Variants in PAGE2B observed in about 807,000 individuals in gnomAD.
PAGE2B encodes putative G antigen family E member 3.
Under a neutral mutation model 7.6 loss-of-function variants are expected in PAGE2B, and 5 were observed. That is an observed-to-expected ratio of 0.66 (90% confidence interval 0.34 to 1.38). The LOEUF is 1.38. Ranked by LOEUF, PAGE2B falls within the 40% of genes most tolerant of loss-of-function variation. The probability of loss-of-function intolerance (pLI) is 0.04; values close to 1 mark genes in which losing one functional copy is unlikely to be tolerated. For missense variants in PAGE2B, 70 were observed against 78.4 expected (o/e 0.89, Z 0.41); for synonymous variants, 29 against 26.7 (o/e 1.09, Z -0.27).
chrX:55,056,776 A>G, the PAGE2B span, among the ~76,000 whole-genome samples: 19 of 111,274 alleles, frequency 1.7e-4, no homozygotes, highest in Non-Finnish European at 3.2e-4. Flanking sequence ...TCTTCCTTGT[A>G]GTAGTGAATT....
At chrX:55,058,518 G>T in the PAGE2B span, among the ~76,000 whole-genome samples, 1 of 111,591 alleles carries the variant, frequency 9.0e-6, no homozygotes, top group Non-Finnish European at 1.9e-5. Flanking sequence ...ATTGTATGAG[G>T]CTAATTCCTT....
chrX:55,037,191 A>C, the PAGE2B span, among the ~76,000 whole-genome samples: 1 of 111,827 alleles, frequency 8.9e-6, no homozygotes. Flanking sequence ...CAATGAACTC[A>C]AACAAATTGA....
chrX:55,041,938 C>A, the PAGE2B span, among the ~76,000 whole-genome samples: 1 of 111,846 alleles, frequency 8.9e-6, no homozygotes, highest in Non-Finnish European at 1.9e-5. Flanking sequence ...GATAGATCCA[C>A]AGCCAACATT....
At chrX:55,041,299 T>G in the PAGE2B span, among the ~76,000 whole-genome samples, 1 of 109,698 alleles carries the variant, frequency 9.1e-6, no homozygotes, top group Admixed American at 9.7e-5. Flanking sequence ...GCCAGGATGG[T>G]CTCGATCTCC....
the PAGE2B span, among the ~76,000 whole-genome samples, chrX:55,062,644 T>C: frequency 8.9e-6 from 1 of 111,923 alleles, no homozygotes; most frequent in African/African-American, 3.2e-5. Context: ...TTGCCTGTGC[T>C]TGTGGGATAT....
At chrX:55,054,236 C>A in the PAGE2B span, among the ~76,000 whole-genome samples, 8,639 of 110,775 alleles carry the variant, frequency 0.078, 793 homozygotes, top group African/African-American at 0.26. Context: ...ACAAGACAAA[C>A]CAACAACAAC....
At chrX:55,075,972 A>C in intron 1 of PAGE2B, 62 bp from the exon 2 acceptor site, 234 of 886,505 alleles carry the variant, frequency 2.6e-4, no homozygotes, top group Non-Finnish European at 2.9e-4. Flanking sequence ...TTGCCATGGA[A>C]TGTTCATATA....
the PAGE2B span, among the ~76,000 whole-genome samples, chrX:55,067,052 C>G: frequency 2.8e-5 from 3 of 109,011 alleles, no homozygotes; most frequent in Admixed American, 9.8e-5. Flanking sequence ...TTTTTAGGTT[C>G]TATTATGCTT....
Position 55,077,526 on chromosome X carries a change from T to TTTG in PAGE2B, c.319+5_319+7dup, listed in dbSNP as rs781659082. On this transcript the variant is annotated splice_region_variant and intron_variant, in intron 4 of 4. Coordinates refer to ENST00000374971, the MANE Select transcript of PAGE2B (RefSeq NM_001015038.3). The stretch of plus-strand genomic sequence containing the variant: ...ATCTCACTAAAGTGCTGGAAGCAGG[T>TTTG]TTGTTATTCATTTAAGATGCAAACT... The TTTG allele has an allele frequency of 8.3e-7, 1 of 1,210,327 alleles. No individual in the cohort carries two copies. Among genetic ancestry groups the TTTG allele is most frequent in the African/African-American group, 1.7e-5 (1 of 57,217 alleles).
At chrX:55,074,634 G>T (rs1936483013), upstream of PAGE2B, among the ~76,000 whole-genome samples, 1 of 112,361 alleles carries the variant, frequency 8.9e-6, no homozygotes, top group African/African-American at 3.2e-5. Context: ...GAATGGGTTA[G>T]ACAATTGCAA....
At chrX:55,035,128 A>C in the PAGE2B span, among the ~76,000 whole-genome samples, 1 of 111,240 alleles carries the variant, frequency 9.0e-6, no homozygotes, top group Non-Finnish European at 1.9e-5. Context: ...TCCTTTGGGC[A>C]ACACCCTCAC....
chrX:55,075,450 C>T (rs1430285333), intron 1 of PAGE2B, among the ~76,000 whole-genome samples: 1 of 110,712 alleles, frequency 9.0e-6, no homozygotes, highest in Non-Finnish European at 1.9e-5. Context: ...GGTAGGGACG[C>T]GGGAAGAGAC....
rs112724399 is a variant in PAGE2B at position 55,075,967 on chromosome X, A to G, written c.-8-67A>G. 9 of 1,001,301 alleles carry G rather than the reference A, an allele frequency of 9.0e-6. No individual in the cohort carries two copies. In the African/African-American group the frequency reaches 9.8e-5, roughly 11 times the overall value. 82.5% of individuals were successfully genotyped at this position (1,001,301 alleles called of 1,213,427 possible). Reference sequence around the variant, plus strand: ...AAAAAATACAAATCACCATTTTGCCATGGAATGTTCATATATATAGCTAAG... The same window carrying G: ...AAAAAATACAAATCACCATTTTGCCGTGGAATGTTCATATATATAGCTAAG... On this transcript the variant is annotated intron_variant, in intron 1 of 4. Coordinates refer to ENST00000374971, the MANE Select transcript of PAGE2B (RefSeq NM_001015038.3).
At chrX:55,042,653 C>CAAA in the PAGE2B span, among the ~76,000 whole-genome samples, 38 of 11,872 alleles carry the variant, frequency 3.2e-3, 8 homozygotes, top group African/African-American at 9.2e-3. Context: ...GACTCCGTCT[C>CAAA]AAAAAAAAAA....
chrX:55,035,980 C>A, the PAGE2B span, among the ~76,000 whole-genome samples: 4 of 111,589 alleles, frequency 3.6e-5, no homozygotes, highest in Admixed American at 3.8e-4. Flanking sequence ...TTTCCTTGAG[C>A]AGTGGTTTGT....
the PAGE2B span, among the ~76,000 whole-genome samples, chrX:55,062,157 T>C: frequency 4.5e-5 from 5 of 111,650 alleles, no homozygotes; most frequent in African/African-American, 1.6e-4. Context: ...TTTTTAGTTT[T>C]CTTGAGGAAC....
upstream of PAGE2B, among the ~76,000 whole-genome samples, chrX:55,072,341 G>A (rs1310909892): frequency 1.8e-5 from 2 of 112,404 alleles, no homozygotes; most frequent in African/African-American, 3.2e-5. Context: ...ATCTTCTTCA[G>A]GTCCACTCCA....
the PAGE2B span, among the ~76,000 whole-genome samples, chrX:55,066,898 C>T: frequency 9.0e-6 from 1 of 111,075 alleles, no homozygotes; most frequent in Non-Finnish European, 1.9e-5. Flanking sequence ...TTCTTTGCCT[C>T]GTCTTTAAGG....
At chrX:55,042,537 C>T in the PAGE2B span, among the ~76,000 whole-genome samples, 606 of 103,936 alleles carry the variant, frequency 5.8e-3, 2 homozygotes, top group African/African-American at 0.02. Context: ...GCCTGTAGTC[C>T]CAGCTACTTG....
Sources: gnomAD v4.1 joint callset for allele counts (sites outside exome capture counted in the v4.1 genomes callset) on GRCh38, gnomAD v4.1.1 for gene constraint, MANE v1.5 for transcripts, NCBI Gene and HGNC (gene_info 2026-07-23, HGNC 2026-07-21) for gene names.